HVCN1: variants seen among roughly 807,000 people sequenced by gnomAD.
HVCN1 encodes the protein hydrogen voltage gated channel 1.
In HVCN1, 14 loss-of-function variants were observed where a neutral mutation model predicts 29.2. The observed-to-expected ratio is 0.48, with a 90% CI of 0.32 to 0.75. The LOEUF (loss-of-function observed/expected upper bound fraction) is 0.75. Among genes scored for constraint, HVCN1 ranks in the 30% least tolerant of loss-of-function variants. The probability of loss-of-function intolerance (pLI) is 0.04; values close to 1 mark genes in which losing one functional copy is unlikely to be tolerated. For synonymous variants in HVCN1, 131 were observed against 133.2 expected (o/e 0.98, Z 0.11); for missense variants, 263 against 341.8 (o/e 0.77, Z 1.82).
chr12:110,680,550 C>A (rs1295063612), intron 3 of HVCN1, among the ~76,000 whole-genome samples: 1 of 152,192 alleles, frequency 6.6e-6, no homozygotes, highest in East Asian at 1.9e-4. Flanking sequence ...ACAATCCCTG[C>A]ACACCAAACT....
Position 110,661,499 on chromosome 12 carries a change from G to A in HVCN1, c.22-51C>T. 5 of 1,575,126 alleles carry A rather than the reference G, an allele frequency of 3.2e-6. No individual in the cohort carries two copies. The highest frequency in any genetic ancestry group is 4.3e-6 in the Non-Finnish European group (5 of 1,155,390). ...AGCTTCAGGCAGTTGGCCACTCAGA[G>A]CCCACATGGCCCAGGCCGGGCCAGG... On this transcript the variant is annotated intron_variant, in intron 3 of 7. Transcript: ENST00000242607. The surrounding 1 kb of genome is among the most constrained non-coding windows in gnomAD (Gnocchi z 6.2).
chr12:110,680,823 G>A (rs1368615451), intron 3 of HVCN1, among the ~76,000 whole-genome samples: 2 of 152,148 alleles, frequency 1.3e-5, no homozygotes, highest in African/African-American at 4.8e-5. Context: ...CCAGTTACTA[G>A]GGTGGCTGAG....
intron 3 of HVCN1, among the ~76,000 whole-genome samples, chr12:110,677,782 C>T (rs986387470): frequency 1.3e-5 from 2 of 152,160 alleles, no homozygotes; most frequent in African/African-American, 4.8e-5. Context: ...AAACAACCAC[C>T]GTGACAGCTG....
Position 110,683,233 on chromosome 12 carries a change from C to T in HVCN1, c.13G>A (p.Asp5Asn), listed in dbSNP as rs559851829. Residue 5 changes from aspartate (D) to asparagine (N), a missense_variant, in exon 3 of 8, where the codon GAC becomes AAC. Asp to Asn is a conservative substitution (Grantham distance 23). Around this residue, in one of 3 missense-constraint regions of HVCN1, gnomAD observed 157 missense variants for 181.3 expected, o/e 0.87. Transcript: ENST00000242607. MATW[D>N]EKAVTRRAKV... is the part of the protein sequence containing the mutation. The stretch of plus-strand genomic sequence containing the variant: ...ACCACAGAATCCATTACCTTTTCGT[C>T]CCAGGTGGCCATGTCCCTGTTGCCT... 116 of 1,612,074 alleles carry T rather than the reference C, an allele frequency of 7.2e-5. 1 individual carries two copies. In the South Asian group the frequency reaches 1.2e-3, roughly 17 times the overall value.
intron 2 of HVCN1, among the ~76,000 whole-genome samples, chr12:110,695,011 G>A (rs969585223): frequency 1.3e-5 from 2 of 152,236 alleles, no homozygotes; most frequent in African/African-American, 4.8e-5. Context: ...GCTAGGCAGA[G>A]AACACAGAGT....
intron 4 of HVCN1, among the ~76,000 whole-genome samples, chr12:110,659,987 C>T (rs1213389476): frequency 6.7e-6 from 1 of 149,538 alleles, no homozygotes; most frequent in Non-Finnish European, 1.5e-5. Flanking sequence ...AGCTTGAACC[C>T]AGGAAGCAGA....
upstream of HVCN1, among the ~76,000 whole-genome samples, chr12:110,691,087 G>T (rs1314258143): frequency 6.7e-6 from 1 of 148,724 alleles, no homozygotes; most frequent in Non-Finnish European, 1.5e-5. Flanking sequence ...TTTTGAGGTG[G>T]AGTCGCGCTC....
At position 110,676,711 on chromosome 12, in the gene HVCN1, A is replaced by C. The variant is rs939991623; in HGVS notation, c.21+6514T>G. Among the ~76,000 whole-genome samples, 5 of 152,012 alleles carry C rather than the reference A, an allele frequency of 3.3e-5. No individual in the cohort carries two copies. The highest frequency in any genetic ancestry group is 7.4e-5 in the Non-Finnish European group (5 of 68,004). Reference sequence around the variant, plus strand: ...GTGACCCCAAGGACCTCTGCCCCCAACCCAGGAGAGGGCTCTGGAAGCTTG... The same window carrying C: ...GTGACCCCAAGGACCTCTGCCCCCACCCCAGGAGAGGGCTCTGGAAGCTTG... On this transcript the variant is annotated intron_variant, in intron 3 of 7. Transcript: ENST00000242607. This position sits in a 1 kb window ranked among gnomAD's most constrained non-coding sequence, Gnocchi z 4.1.
chr12:110,690,670 G>A (rs750771699), upstream of HVCN1, among the ~76,000 whole-genome samples: 2 of 152,072 alleles, frequency 1.3e-5, no homozygotes, highest in Non-Finnish European at 1.5e-5. Context: ...TAGAGACGGG[G>A]TTTTACCATG....
chr12:110,657,630 C>G (rs1258119146), intron 4 of HVCN1, among the ~76,000 whole-genome samples: 1 of 151,916 alleles, frequency 6.6e-6, no homozygotes, highest in African/African-American at 2.4e-5. Context: ...TGAATCTCAC[C>G]TCAATTTAAA....
At chr12:110,700,766 G>T (rs1284295812) in intron 2 of HVCN1, among the ~76,000 whole-genome samples, 1 of 152,174 alleles carries the variant, frequency 6.6e-6, no homozygotes, top group Non-Finnish European at 1.5e-5. Context: ...TCTACTTGGA[G>T]ATATTTATAA....
chr12:110,682,180 G>T (rs2069003596), intron 3 of HVCN1, among the ~76,000 whole-genome samples: 1 of 152,036 alleles, frequency 6.6e-6, no homozygotes, highest in Non-Finnish European at 1.5e-5. Flanking sequence ...TAGAGATGGG[G>T]TTTCACCATG....
At chr12:110,689,120 G>A (rs1015884286), upstream of HVCN1, 2 of 151,810 alleles carry the variant, frequency 1.3e-5, no homozygotes, top group Admixed American at 6.6e-5. This position sits in a 1 kb window ranked among gnomAD's most constrained non-coding sequence, Gnocchi z 5.7. Context: ...GCGACTGGGA[G>A]CCTCAGAGCA....
chr12:110,687,613 A>G (rs2069242718), intron 2 of HVCN1, among the ~76,000 whole-genome samples: 1 of 152,048 alleles, frequency 6.6e-6, no homozygotes, highest in Non-Finnish European at 1.5e-5. Flanking sequence ...GTCCAGCGTG[A>G]TGAGGCGGCA....
intron 2 of HVCN1, among the ~76,000 whole-genome samples, chr12:110,684,403 TG>T (rs1164842122): frequency 6.6e-6 from 1 of 152,198 alleles, no homozygotes; most frequent in Admixed American, 6.5e-5. Context: ...GGGGTTGCTC[TG>T]AAAAACAGTA....
At position 110,661,408 on chromosome 12, in the gene HVCN1, A is replaced by G. The variant is rs1169810671; in HGVS notation, c.62T>C (p.Met21Thr). 1.2e-6 allele frequency: 2 copies of G among 1,614,154 alleles called. No homozygotes were observed. The highest frequency in any genetic ancestry group is 1.7e-6 in the Non-Finnish European group (2 of 1,180,026). The change falls in exon 4 of 8, where the codon ATG (methionine) becomes ACG (threonine). Residue 21 changes from methionine (M) to threonine (T), a missense_variant. Coordinates refer to ENST00000242607, the MANE Select transcript of HVCN1 (RefSeq NM_032369.4). The surrounding 1 kb of genome is among the most constrained non-coding windows in gnomAD (Gnocchi z 6.2). ...RRAKVAPAER[M>T]SKFLRHFTVV... Reference sequence around the variant, plus strand: ...CGTGAAGTGCCTTAAGAACTTGCTCATCCTCTCAGCGGGAGCCACCTTGGC... The same window carrying G: ...CGTGAAGTGCCTTAAGAACTTGCTCGTCCTCTCAGCGGGAGCCACCTTGGC...
intron 2 of HVCN1, among the ~76,000 whole-genome samples, chr12:110,701,464 C>G (rs564652579): frequency 6.6e-6 from 1 of 152,296 alleles, no homozygotes; most frequent in East Asian, 1.9e-4. Context: ...GTCTAGCACT[C>G]CAGGAGATCT....
At chr12:110,651,885 T>C (rs907354736) in intron 5 of HVCN1, among the ~76,000 whole-genome samples, 2 of 152,202 alleles carry the variant, frequency 1.3e-5, no homozygotes, top group Non-Finnish European at 2.9e-5. Flanking sequence ...GTTAAAAAGA[T>C]TAAGCTGGGT....
Position 110,651,349 on chromosome 12 carries a change from CA to C in HVCN1, c.510del (p.Phe170LeufsTer32). On this transcript the variant is annotated frameshift_variant, in exon 6 of 8. Transcript: ENST00000242607. LOFTEE classifies it high-confidence loss of function. The part of the protein sequence containing the change: ...VFRLEFFHHK[F>X]EILDAVVVVV... ...ACCACCACGACGGCATCCAGGATCT[CA>C]AACTTGTGGTGAAAGAACTCCAGGC... The C allele has an allele frequency of 6.2e-7, 1 of 1,613,894 alleles. No homozygotes were observed. The highest frequency in any genetic ancestry group is 8.5e-7 in the Non-Finnish European group (1 of 1,179,800).
Sources: gnomAD v4.1 joint callset for allele counts (sites outside exome capture counted in the v4.1 genomes callset) on GRCh38, gnomAD v4.1.1 for gene constraint, gnomAD v4.1.1 regional missense constraint, Gnocchi (gnomAD v3.1) non-coding constraint, MANE v1.5 for transcripts, NCBI Gene and HGNC (gene_info 2026-07-23, HGNC 2026-07-21) for gene names.